Variants in PCDHGA4 observed in about 807,000 individuals in gnomAD.
PCDHGA4 encodes protocadherin gamma-A4.
Under a neutral mutation model 54.6 loss-of-function variants are expected in PCDHGA4, and 38 were observed. That is an observed-to-expected ratio of 0.70 (90% CI 0.54 to 0.91). The LOEUF (loss-of-function observed/expected upper bound fraction) is 0.91. Ranked by LOEUF, PCDHGA4 falls within the 40% of genes least tolerant of loss-of-function variation. The pLI is 0.00. For missense variants in PCDHGA4, 1,298 were observed against 1,220.9 expected (o/e 1.06, Z -0.94); for synonymous variants, 511 against 512.9 (o/e 1.00, Z 0.05).
At chr5:141,403,365 T>C in intron 1 of PCDHGA4, 1 of 1,614,024 alleles carries the variant, frequency 6.2e-7, no homozygotes, top group Non-Finnish European at 8.5e-7. Flanking sequence ...GCCGAAAGTC[T>C]GGAAGTAAAA....
intron 1 of PCDHGA4, among the ~76,000 whole-genome samples, chr5:141,363,599 G>A (rs1470952718): frequency 1.3e-5 from 2 of 152,206 alleles, no homozygotes; most frequent in African/African-American, 2.4e-5. Context: ...CAACTCAAAC[G>A]CTGTCTGAGA....
chr5:141,375,199 C>G lies in PCDHGA4; in HGVS notation c.2514+17578C>G, dbSNP rs188091361. ...CAGTAATCGCCCTTTTTCAAGTGTT[C>G]GATCGAGACTCTGGCCTGAATGGCC... On this transcript the variant is annotated intron_variant, in intron 1 of 3. Coordinates refer to ENST00000571252, the MANE Select transcript of PCDHGA4 (RefSeq NM_018917.4). The G allele has an allele frequency of 5.2e-5, 84 of 1,613,924 alleles. No individual in the cohort carries two copies. In the East Asian group the frequency reaches 1.8e-3, roughly 35 times the overall value.
At chr5:141,399,382 A>G in intron 1 of PCDHGA4, 1 of 1,614,000 alleles carries the variant, frequency 6.2e-7, no homozygotes, top group Non-Finnish European at 8.5e-7. Context: ...TGTCACCATC[A>G]CAGCCACAGA....
At chr5:141,384,254 T>A in intron 1 of PCDHGA4, 3 of 1,613,674 alleles carry the variant, frequency 1.9e-6, no homozygotes, top group Non-Finnish European at 2.5e-6. Context: ...CCACCCACCT[T>A]CCCCCACTCA....
At chr5:141,361,363 C>G in intron 1 of PCDHGA4, 1 of 1,614,002 alleles carries the variant, frequency 6.2e-7, no homozygotes, top group South Asian at 1.1e-5. Context: ...AGACGGCGCT[C>G]TGGACCGGGA....
intron 2 of PCDHGA4, among the ~76,000 whole-genome samples, chr5:141,502,866 C>CTCTTTTTT (rs1554188502): frequency 2.3e-5 from 3 of 128,046 alleles, no homozygotes; most frequent in Non-Finnish European, 3.2e-5. Flanking sequence ...GACTCTCTGT[C>CTCTTTTTT]TTTTTTTTTT....
At chr5:141,421,770 G>T in intron 1 of PCDHGA4, 6 of 1,613,856 alleles carry the variant, frequency 3.7e-6, no homozygotes, top group East Asian at 2.2e-5. Context: ...ACTTTTCCTT[G>T]CAACTGCGGG....
Position 141,490,271 on chromosome 5 carries a change from A to G in PCDHGA4, c.2515-4536A>G, listed in dbSNP as rs750463186. 6.8e-6 allele frequency: 11 copies of G among 1,614,246 alleles called. No homozygotes were observed. Among genetic ancestry groups the G allele is most frequent in the Non-Finnish European group, 8.5e-6 (10 of 1,180,054 alleles). On this transcript the variant is annotated intron_variant, in intron 1 of 3. Coordinates refer to ENST00000571252, the MANE Select transcript of PCDHGA4 (RefSeq NM_018917.4). The surrounding 1 kb of genome is among the most constrained non-coding windows in gnomAD (Gnocchi z 5.4). The stretch of plus-strand genomic sequence containing the variant: ...ATTCAAGTGGATGTGGGGGATGTCA[A>G]TGACAATGCCCCAGAGGTGCTATTG...
chr5:141,421,102 T>A (rs1420706532), intron 1 of PCDHGA4: 2 of 691,286 alleles, frequency 2.9e-6, no homozygotes, highest in Admixed American at 6.2e-5. Context: ...CACTGGAGAC[T>A]TAGAAGTATT....
Position 141,413,878 on chromosome 5 carries a change from A to G in PCDHGA4, c.2514+56257A>G, listed in dbSNP as rs752517949. ...ATCTGGCACTGTCCTTGTCAGTGTGACTGTCTTCGATGCAAATGACAACGC... is the reference window on the plus strand; with the variant it reads ...ATCTGGCACTGTCCTTGTCAGTGTGGCTGTCTTCGATGCAAATGACAACGC... On this transcript the variant is annotated intron_variant, in intron 1 of 3. Coordinates refer to ENST00000571252, the MANE Select transcript of PCDHGA4 (RefSeq NM_018917.4). 2.5e-6 allele frequency: 4 copies of G among 1,613,272 alleles called. No individual in the cohort carries two copies. The South Asian group carries it at 3.3e-5, about 13-fold the overall frequency.
At chr5:141,395,309 CATT>C in intron 1 of PCDHGA4, 1 of 1,506,030 alleles carries the variant, frequency 6.6e-7, no homozygotes, top group Non-Finnish European at 8.9e-7. Flanking sequence ...TTTTGAAAAA[CATT>C]GTGAAGATAG....
intron 1 of PCDHGA4, among the ~76,000 whole-genome samples, chr5:141,468,079 C>A (rs2099157359): frequency 6.6e-6 from 1 of 151,986 alleles, no homozygotes; most frequent in African/African-American, 2.4e-5. Context: ...AATCCCAGCA[C>A]TTTGGGAGGT....
intron 1 of PCDHGA4, chr5:141,439,900 A>G (rs562278732): frequency 6.6e-5 from 10 of 152,362 alleles, no homozygotes; most frequent in African/African-American, 2.2e-4. Flanking sequence ...CAAGGCGACT[A>G]CTGCCTCCTT....
intron 3 of PCDHGA4, among the ~76,000 whole-genome samples, chr5:141,508,649 C>T (rs1303066200): frequency 6.6e-6 from 1 of 152,126 alleles, no homozygotes; most frequent in Non-Finnish European, 1.5e-5. Flanking sequence ...CCGTCAGGCC[C>T]TTCCTGTCAT....
chr5:141,453,317 G>A (rs1218359210), intron 1 of PCDHGA4, among the ~76,000 whole-genome samples: 1 of 151,178 alleles, frequency 6.6e-6, no homozygotes, highest in Non-Finnish European at 1.5e-5. Flanking sequence ...ATTTATTTTA[G>A]AGATGGGGTC....
At position 141,357,387 on chromosome 5, in the gene PCDHGA4, C is replaced by A; in HGVS notation, c.2280C>A (p.Gly760=). The A allele has an allele frequency of 6.2e-7, 1 of 1,614,218 alleles. No individual in the cohort carries two copies. The highest frequency in any genetic ancestry group is 8.5e-7 in the Non-Finnish European group (1 of 1,180,020). The change falls in exon 1 of 4, where the codon GGC becomes GGA. Residue 760 remains glycine (G), a synonymous_variant. Coordinates refer to ENST00000571252, the MANE Select transcript of PCDHGA4 (RefSeq NM_018917.4). ...AGTCACGCCTGCTTCACGCTGAAGGCAGCAGGTTGGCAGGTGTGCCTGCCT... is the reference window on the plus strand; with the variant it reads ...AGTCACGCCTGCTTCACGCTGAAGGAAGCAGGTTGGCAGGTGTGCCTGCCT... ...WHKSRLLHAE[G]SRLAGVPASH...
intron 1 of PCDHGA4, chr5:141,409,594 C>G: frequency 1.2e-6 from 2 of 1,613,900 alleles, no homozygotes; most frequent in Non-Finnish European, 1.7e-6. Flanking sequence ...TGGCCGAGAA[C>G]AACCCGCCAG....
intron 1 of PCDHGA4, chr5:141,410,314 C>T: frequency 6.2e-7 from 1 of 1,614,036 alleles, no homozygotes; most frequent in Non-Finnish European, 8.5e-7. Context: ...TGCTCTTCCT[C>T]CTCGCCGTGA....
intron 3 of PCDHGA4, among the ~76,000 whole-genome samples, chr5:141,508,772 C>T (rs1015277795): frequency 5.3e-5 from 8 of 152,070 alleles, no homozygotes; most frequent in African/African-American, 1.2e-4. Flanking sequence ...TGAGGTCCCC[C>T]CTCTAGCCCC....
Sources: allele counts gnomAD v4.1 joint callset (sites outside exome capture counted in the v4.1 genomes callset), GRCh38; gene constraint gnomAD v4.1.1; non-coding constraint Gnocchi (gnomAD v3.1); transcripts MANE v1.5; gene names NCBI Gene and HGNC (gene_info 2026-07-23, HGNC 2026-07-21).